Variants in PRKCI observed in about 807,000 individuals in gnomAD.
PRKCI encodes the protein protein kinase C iota type.
In PRKCI, 43 loss-of-function variants were observed where a neutral mutation model predicts 84.0. The observed-to-expected ratio is 0.51, with a 90% confidence interval of 0.40 to 0.66. The LOEUF (loss-of-function observed/expected upper bound fraction) is 0.66. Among genes scored for constraint, PRKCI ranks in the 30% least tolerant of loss-of-function variants. PRKCI has a pLI of 0.00. For missense variants in PRKCI, 459 were observed against 745.6 expected, an observed-to-expected ratio of 0.62 and a Z score of 4.48; for synonymous variants, 216 against 234.4, an observed-to-expected ratio of 0.92 and a Z score of 0.72.
Position 170,295,934 on chromosome 3 carries a change from A to T in PRKCI, c.1441A>T (p.Ile481Leu). 1 of 1,573,548 alleles carries T rather than the reference A, an allele frequency of 6.4e-7. No homozygotes were observed. The highest frequency in any genetic ancestry group is 8.7e-7 in the Non-Finnish European group (1 of 1,155,742). The change falls in exon 15 of 18, where the codon ATA becomes TTA. Residue 481 changes from isoleucine (I) to leucine (L), a missense_variant. Physicochemically the swap from Ile to Leu is conservative, Grantham distance 5 (BLOSUM62 2). Coordinates refer to ENST00000295797, the MANE Select transcript of PRKCI (RefSeq NM_002740.6). ...AGTTATTTTGGAAAAACAAATTCGC[A>T]TACCACGTTCTCTGTCTGTAAAAGC... ...FQVILEKQIR[I>L]PRSLSVKAAS...
intron 2 of PRKCI, among the ~76,000 whole-genome samples, chr3:170,239,033 C>T (rs994901835): frequency 2.0e-5 from 3 of 152,220 alleles, no homozygotes; most frequent in Non-Finnish European, 2.9e-5. Flanking sequence ...TATGTCAAAA[C>T]ATATGTATAT....
intron 4 of PRKCI, among the ~76,000 whole-genome samples, chr3:170,264,579 C>A (rs1733812031): frequency 6.6e-6 from 1 of 151,976 alleles, no homozygotes; most frequent in African/African-American, 2.4e-5. Context: ...GCACCTGGCC[C>A]CAAGTCACTT....
intron 5 of PRKCI, 122 bp from the exon 6 acceptor site, chr3:170,270,299 T>C (rs1393980181): frequency 1.0e-6 from 1 of 972,270 alleles, no homozygotes; most frequent in Non-Finnish European, 1.4e-6. Context: ...TTTGCTTTTG[T>C]TTTTGTTTTT....
intron 3 of PRKCI, among the ~76,000 whole-genome samples, chr3:170,262,377 ATTAG>A (rs1733748992): frequency 2.0e-5 from 3 of 152,326 alleles, no homozygotes; most frequent in East Asian, 1.9e-4. Flanking sequence ...TTAAGGCGAT[ATTAG>A]TTAATGATTT....
intron 17 of PRKCI, among the ~76,000 whole-genome samples, chr3:170,301,606 A>T (rs1476256092): frequency 6.6e-6 from 1 of 151,970 alleles, no homozygotes. Flanking sequence ...TTCTTAACAG[A>T]TTACATAATA....
chr3:170,234,125 G>A (rs559152752), intron 1 of PRKCI, among the ~76,000 whole-genome samples: 231 of 144,398 alleles, frequency 1.6e-3, no homozygotes, highest in African/African-American at 5.6e-3. Context: ...TCCGCCTCCC[G>A]GGTTCAAGCG....
chr3:170,232,455 T>A (rs1209124779), intron 1 of PRKCI, among the ~76,000 whole-genome samples: 1 of 152,160 alleles, frequency 6.6e-6, no homozygotes. Flanking sequence ...AGCCTCAACT[T>A]CCTGGGCTCA....
chr3:170,260,112 CT>C, intron 3 of PRKCI, 54 bp downstream of exon 3: 1 of 1,162,906 alleles, frequency 8.6e-7, no homozygotes, highest in Admixed American at 2.1e-5. Flanking sequence ...TTTGAAATCA[CT>C]CTTTATTCTT....
At chr3:170,282,832 C>A (rs537050474) in intron 11 of PRKCI, among the ~76,000 whole-genome samples, 8 of 151,906 alleles carry the variant, frequency 5.3e-5, no homozygotes, top group African/African-American at 1.9e-4. Flanking sequence ...ATAGGCCAGG[C>A]GCAGTGGCTC....
At chr3:170,285,080 T>C (rs1031594518) in intron 12 of PRKCI, among the ~76,000 whole-genome samples, 2 of 143,748 alleles carry the variant, frequency 1.4e-5, no homozygotes, top group African/African-American at 5.1e-5. Flanking sequence ...CTTCATTTCT[T>C]TTTTTTTTTT....
At chr3:170,270,685 TG>T in intron 6 of PRKCI, 124 bp downstream of exon 6, 2 of 1,203,166 alleles carry the variant, frequency 1.7e-6, no homozygotes, top group Non-Finnish European at 2.2e-6. Flanking sequence ...CTACAGAGTA[TG>T]GGGAGGAATA....
chr3:170,231,473 T>C (rs1339086983), intron 1 of PRKCI, among the ~76,000 whole-genome samples: 1 of 151,940 alleles, frequency 6.6e-6, no homozygotes, highest in African/African-American at 2.4e-5. Flanking sequence ...TTATTTATTT[T>C]ATGTTTTTTG....
At chr3:170,300,313 GCTTT>G (rs1734791016) in intron 17 of PRKCI, among the ~76,000 whole-genome samples, 2 of 152,154 alleles carry the variant, frequency 1.3e-5, no homozygotes, top group Admixed American at 1.3e-4. Flanking sequence ...TCTCAGAATT[GCTTT>G]CTAACTCTTT....
intron 8 of PRKCI, among the ~76,000 whole-genome samples, chr3:170,275,953 A>C (rs1426049930): frequency 1.1e-5 from 1 of 87,148 alleles, no homozygotes; most frequent in Non-Finnish European, 2.3e-5. Context: ...TTTTTTTTTG[A>C]GTTGGGGTCT....
At chr3:170,298,946 GT>G (rs1734754663) in intron 16 of PRKCI, 48 bp from the exon 17 acceptor site, 1 of 1,303,122 alleles carries the variant, frequency 7.7e-7, no homozygotes, top group African/African-American at 1.5e-5. Flanking sequence ...TAGAGGTGGA[GT>G]TTTTCTAAGA....
chr3:170,284,857 A>G (rs1734333357), intron 12 of PRKCI, among the ~76,000 whole-genome samples: 1 of 152,196 alleles, frequency 6.6e-6, no homozygotes, highest in Non-Finnish European at 1.5e-5. Context: ...AATACAATTG[A>G]AGACAATTTG....
chr3:170,271,841 G>A (rs943262417), intron 6 of PRKCI, among the ~76,000 whole-genome samples: 10 of 151,944 alleles, frequency 6.6e-5, no homozygotes, highest in African/African-American at 2.4e-4. Flanking sequence ...TGTCTTTTTT[G>A]TTATTGTTTT....
rs1419513995 is a variant in PRKCI at position 170,304,712 on chromosome 3, A to G, written c.*1585A>G. On this transcript the variant is annotated 3_prime_UTR_variant, in exon 18 of 18. Coordinates refer to ENST00000295797, the MANE Select transcript of PRKCI (RefSeq NM_002740.6). ...TTAGTGTTCAGCAGCTTATTATTTA[A>G]AGGGGTGCCAAATATAGCATCCTTC... 2 of 152,122 alleles carry G rather than the reference A, an allele frequency of 1.3e-5. No individual in the cohort carries two copies. Among genetic ancestry groups the G allele is most frequent in the African/African-American group, 4.8e-5 (2 of 41,442 alleles). 9.4% of individuals were successfully genotyped at this position (152,122 alleles called of 1,614,324 possible).
At chr3:170,222,946 A>T (rs112232332) in intron 1 of PRKCI, among the ~76,000 whole-genome samples, 176 bp downstream of exon 1, 2,970 of 151,198 alleles carry the variant, frequency 0.02, 105 homozygotes, top group African/African-American at 0.067. Context: ...AAGCAAGGGG[A>T]TGCAGTACTG....
Sources: gnomAD v4.1 joint callset for allele counts (sites outside exome capture counted in the v4.1 genomes callset) on GRCh38, gnomAD v4.1.1 for gene constraint, MANE v1.5 for transcripts, NCBI Gene and HGNC (gene_info 2026-07-23, HGNC 2026-07-21) for gene names.